ERO1A: variants seen among roughly 807,000 people sequenced by gnomAD.
ERO1A encodes the protein ERO1-like protein alpha.
In ERO1A, 49 loss-of-function variants were observed where a neutral mutation model predicts 76.9. The observed-to-expected ratio is 0.64, with a 90% CI of 0.51 to 0.81. The LOEUF is 0.81. Ranked by LOEUF, ERO1A falls within the 30% of genes least tolerant of loss-of-function variation. The pLI is 0.00. For synonymous variants in ERO1A, 174 were observed against 181.2 expected (o/e 0.96, Z 0.32); for missense variants, 448 against 542.1 (o/e 0.83, Z 1.72).
chr14:52,694,086 T>C (rs1390217688), intron 1 of ERO1A, among the ~76,000 whole-genome samples: 1 of 152,214 alleles, frequency 6.6e-6, no homozygotes, highest in Non-Finnish European at 1.5e-5. Flanking sequence ...ATCTCCAGAA[T>C]GTAGCTGAAA....
In ERO1A at chr14:52,640,376, C is replaced by CAAAG. The variant is rs1237758793; in HGVS notation, c.*3190_*3193dup. Reference sequence around the variant, plus strand: ...GGAAGGATGACTAGCATACTTGATGCAAAGAGTACAGCATTTACCAAGGCG... The same window carrying CAAAG: ...GGAAGGATGACTAGCATACTTGATGCAAAGAAAGAGTACAGCATTTACCAAGGCG... On this transcript the variant is annotated 3_prime_UTR_variant, in exon 16 of 16. Transcript: ENST00000395686. The CAAAG allele has an allele frequency of 2.0e-5, 3 of 152,222 alleles. No homozygotes were observed. The highest frequency in any genetic ancestry group is 4.4e-5 in the Non-Finnish European group (3 of 68,050). 9.4% of individuals were successfully genotyped at this position (152,222 alleles called of 1,614,324 possible).
At chr14:52,680,964 C>T (rs1038190880) in intron 3 of ERO1A, among the ~76,000 whole-genome samples, 7 of 152,054 alleles carry the variant, frequency 4.6e-5, no homozygotes, top group African/African-American at 1.7e-4. Context: ...ATTAGGATAA[C>T]TATTATCCAA....
At chr14:52,671,767 G>A in intron 5 of ERO1A, 28 bp downstream of exon 5, 1 of 1,590,410 alleles carries the variant, frequency 6.3e-7, no homozygotes, top group Non-Finnish European at 8.6e-7. Context: ...AAAGAAACAT[G>A]AAATACTGCT....
chr14:52,684,150 C>CAGAGAG, intron 1 of ERO1A, among the ~76,000 whole-genome samples: 1 of 139,390 alleles, frequency 7.2e-6, no homozygotes, highest in South Asian at 2.3e-4. Flanking sequence ...CACACACACA[C>CAGAGAG]AGAGAGAGTT....
intron 13 of ERO1A, among the ~76,000 whole-genome samples, chr14:52,650,336 C>T (rs2039813415): frequency 6.6e-6 from 1 of 151,072 alleles, no homozygotes; most frequent in South Asian, 2.1e-4. Context: ...TTTATTAAGA[C>T]AAAGCCCAAA....
intron 3 of ERO1A, 43 bp downstream of exon 3, chr14:52,682,282 G>GA: frequency 7.2e-7 from 1 of 1,391,988 alleles, no homozygotes; most frequent in Non-Finnish European, 9.9e-7. Context: ...TATAATGAAT[G>GA]AAAAAACATG....
chr14:52,674,340 GCAC>G (rs1243406268), intron 4 of ERO1A, among the ~76,000 whole-genome samples: 2 of 152,090 alleles, frequency 1.3e-5, no homozygotes, highest in African/African-American at 2.4e-5. Context: ...CTATGGGCAT[GCAC>G]CACCACACTT....
intron 1 of ERO1A, among the ~76,000 whole-genome samples, chr14:52,684,131 A>ACG (rs2041095900): frequency 8.8e-6 from 1 of 113,478 alleles, no homozygotes; most frequent in African/African-American, 2.7e-5. Context: ...ACACACACAC[A>ACG]CACACACACA....
chr14:52,692,184 C>G (rs999173028), intron 1 of ERO1A, among the ~76,000 whole-genome samples: 2 of 152,214 alleles, frequency 1.3e-5, no homozygotes, highest in South Asian at 2.1e-4. Flanking sequence ...CAATTATTCA[C>G]CAGGCTCACT....
chr14:52,648,543 A>T (rs190105764), intron 13 of ERO1A, among the ~76,000 whole-genome samples: 43 of 152,286 alleles, frequency 2.8e-4, no homozygotes, highest in Non-Finnish European at 1.9e-4. Flanking sequence ...GTTATGATCA[A>T]TAAAACACAA....
chr14:52,692,364 T>C (rs948294890), intron 1 of ERO1A, among the ~76,000 whole-genome samples: 12 of 152,204 alleles, frequency 7.9e-5, no homozygotes, highest in African/African-American at 2.7e-4. Flanking sequence ...GCGGACATTC[T>C]GTGAACTGAA....
At chr14:52,681,389 T>C (rs1354550001) in intron 3 of ERO1A, among the ~76,000 whole-genome samples, 1 of 152,056 alleles carries the variant, frequency 6.6e-6, no homozygotes, top group Non-Finnish European at 1.5e-5. Context: ...AGGTTACCAG[T>C]TCGAGACCAG....
At chr14:52,693,600 C>A (rs2139804944) in intron 1 of ERO1A, among the ~76,000 whole-genome samples, 1 of 152,266 alleles carries the variant, frequency 6.6e-6, no homozygotes, top group African/African-American at 2.4e-5. Flanking sequence ...CTCCATCCTG[C>A]CACCTCAGTG....
At chr14:52,678,295 A>G (rs191322080) in intron 4 of ERO1A, 139 bp downstream of exon 4, 15 of 555,606 alleles carry the variant, frequency 2.7e-5, no homozygotes, top group African/African-American at 2.7e-4. Context: ...AACAAACAGA[A>G]AGAGAGCCAT....
Position 52,642,444 on chromosome 14 carries a change from A to C in ERO1A, c.*1126T>G, listed in dbSNP as rs755552770. 1 of 152,156 alleles carries C rather than the reference A, an allele frequency of 6.6e-6. No individual in the cohort carries two copies. Among genetic ancestry groups the C allele is most frequent in the Non-Finnish European group, 1.5e-5 (1 of 68,036 alleles). 9.4% of individuals were successfully genotyped at this position (152,156 alleles called of 1,614,324 possible). On this transcript the variant is annotated 3_prime_UTR_variant, in exon 16 of 16. Coordinates refer to ENST00000395686, the MANE Select transcript of ERO1A (RefSeq NM_014584.3). ...AGCATAAAACGGGCAACAAAACTCAAAAAGAACTTTAGATTGGAACTTGAA... is the reference window on the plus strand; with the variant it reads ...AGCATAAAACGGGCAACAAAACTCACAAAGAACTTTAGATTGGAACTTGAA...
At chr14:52,680,082 C>CAAAAAAAAAAAAAAAAAAA (rs35358193) in intron 3 of ERO1A, among the ~76,000 whole-genome samples, 2 of 90,918 alleles carry the variant, frequency 2.2e-5, no homozygotes, top group Non-Finnish European at 4.4e-5. Context: ...AAAACACAAA[C>CAAAAAAAAAAAAAAAAAAA]AAAAAAAAAA....
chr14:52,669,869 AG>A (rs1490044333), intron 6 of ERO1A, among the ~76,000 whole-genome samples: 2 of 152,238 alleles, frequency 1.3e-5, no homozygotes, highest in Non-Finnish European at 2.9e-5. Flanking sequence ...TGGAGATTGT[AG>A]GCTGCATCTT....
At chr14:52,683,308 T>C (rs546714656) in intron 2 of ERO1A, among the ~76,000 whole-genome samples, 1 of 150,902 alleles carries the variant, frequency 6.6e-6, no homozygotes, top group East Asian at 1.9e-4. Context: ...CAAGAAAGAG[T>C]TAACAGGTAG....
intron 12 of ERO1A, 94 bp downstream of exon 12, chr14:52,652,975 A>G: frequency 1.2e-6 from 1 of 854,352 alleles, no homozygotes; most frequent in Non-Finnish European, 1.8e-6. Flanking sequence ...AGCCTGGGCA[A>G]CAGAGGGAGA....
Sources: gnomAD v4.1 joint callset for allele counts (sites outside exome capture counted in the v4.1 genomes callset) on GRCh38, gnomAD v4.1.1 for gene constraint, MANE v1.5 for transcripts, NCBI Gene and HGNC (gene_info 2026-07-23, HGNC 2026-07-21) for gene names.